PPP1R3F: variants seen among roughly 807,000 people sequenced by gnomAD.
PPP1R3F encodes the protein protein phosphatase 1, regulatory (inhibitor) subunit 3F.
A neutral mutation model predicts 24.2 loss-of-function variants in PPP1R3F; 29 were observed. That is an observed-to-expected ratio of 1.20 (90% CI 0.89 to 1.63). The LOEUF is 1.63. Ranked by LOEUF, PPP1R3F falls within the 40% of genes most tolerant of loss-of-function variation. PPP1R3F has a pLI of 0.00. For missense variants in PPP1R3F, 823 were observed against 729.3 expected, an observed-to-expected ratio of 1.13 and a Z score of -1.48; for synonymous variants, 363 against 340.1, an observed-to-expected ratio of 1.07 and a Z score of -0.74.
intron 3 of PPP1R3F, among the ~76,000 whole-genome samples, chrX:49,282,440 A>C (rs2066254610): frequency 1.5e-5 from 1 of 65,613 alleles, no homozygotes; most frequent in South Asian, 8.7e-4. Context: ...TGGGTGAGAG[A>C]CTCTGTGTGT....
At chrX:49,283,832 C>A (rs942750808) in intron 3 of PPP1R3F, among the ~76,000 whole-genome samples, 3 of 110,007 alleles carry the variant, frequency 2.7e-5, no homozygotes, top group Non-Finnish European at 5.7e-5. Context: ...TTGTATTAAA[C>A]GAATGTATTT....
chrX:49,275,087 C>A (rs1358301086), intron 1 of PPP1R3F: 1 of 111,076 alleles, frequency 9.0e-6, no homozygotes, highest in Admixed American at 9.7e-5. Flanking sequence ...TTCTCTCCCT[C>A]CTGCTTCTGG....
At chrX:49,295,345 T>C (rs2066320100) in intron 3 of PPP1R3F, among the ~76,000 whole-genome samples, 1 of 110,898 alleles carries the variant, frequency 9.0e-6, no homozygotes, top group Admixed American at 9.6e-5. Flanking sequence ...GGTTTCCCCA[T>C]GTTGGCCAGG....
At position 49,285,949 on chromosome X, in the gene PPP1R3F, C is replaced by T. The variant is rs782036454; in HGVS notation, c.1259C>T (p.Ser420Phe). 3 of 1,207,009 alleles carry T rather than the reference C, an allele frequency of 2.5e-6. No individual in the cohort carries two copies. Among genetic ancestry groups the T allele is most frequent in the South Asian group, 3.6e-5 (2 of 56,205 alleles). The change falls in exon 4 of 4, where the codon TCC becomes TTC. Residue 420 changes from serine to phenylalanine, a missense_variant. By Grantham distance (155) the Ser-to-Phe change is radical. Coordinates refer to ENST00000055335, the MANE Select transcript of PPP1R3F (RefSeq NM_033215.5). ...GCACCGGCCATCAGGATTCCCCCCT[C>T]CTCCCCTCTCTGTGGCCTGGGTGGC... is the stretch of plus-strand genomic sequence containing the variant. ...LQAPAIRIPP[S>F]SPLCGLGGSP...
At chrX:49,294,500 G>A (rs978522259) in intron 3 of PPP1R3F, among the ~76,000 whole-genome samples, 1 of 110,152 alleles carries the variant, frequency 9.1e-6, no homozygotes, top group Non-Finnish European at 1.9e-5. Flanking sequence ...GAGTACAGGC[G>A]TGAGCCACTG....
At chrX:49,273,925 C>T (rs782217728) in intron 1 of PPP1R3F, 89 of 112,255 alleles carry the variant, frequency 7.9e-4, no homozygotes, top group African/African-American at 2.6e-3. Flanking sequence ...GATGATTCAT[C>T]GACAAGCATT....
intron 3 of PPP1R3F, among the ~76,000 whole-genome samples, chrX:49,300,259 G>T (rs782487644): frequency 1.8e-5 from 2 of 110,208 alleles, no homozygotes; most frequent in Non-Finnish European, 3.8e-5. Flanking sequence ...CCTTGGCTAG[G>T]GGAAGGAGTT....
intron 1 of PPP1R3F, among the ~76,000 whole-genome samples, chrX:49,277,909 TG>T (rs1557120205): frequency 3.6e-5 from 4 of 112,007 alleles, no homozygotes; most frequent in Non-Finnish European, 7.5e-5. Flanking sequence ...GAGGGGCCCA[TG>T]GTGGAGGAGG....
At position 49,270,574 on chromosome X, in the gene PPP1R3F, C is replaced by T. The variant is rs781863266; in HGVS notation, c.705C>T (p.Asp235=). 2.2e-5 allele frequency: 27 copies of T among 1,200,638 alleles called. No individual in the cohort carries two copies. The highest frequency in any genetic ancestry group is 8.9e-5 in the South Asian group (5 of 56,344). ...GCCAGGCATCCGCCTCCTCGCCCGACGACGGCGGCCGCACCGACCGCTTTG... is the reference window on the plus strand; with the variant it reads ...GCCAGGCATCCGCCTCCTCGCCCGATGACGGCGGCCGCACCGACCGCTTTG... ...GPGQASASSP[D]DGGRTDRFAF... The change falls in exon 1 of 4, where the codon GAC becomes GAT. Residue 235 remains aspartate (D), a synonymous_variant. Coordinates refer to ENST00000055335, the MANE Select transcript of PPP1R3F (RefSeq NM_033215.5).
chrX:49,282,933 C>T lies in PPP1R3F; in HGVS notation c.1143+870C>T, dbSNP rs782500937. 6.5e-5 allele frequency among the ~76,000 whole-genome samples: 7 copies of T among 108,320 alleles called. No individual in the cohort carries two copies. In the South Asian group the frequency reaches 2.9e-3, roughly 45 times the overall value. 94.1% of individuals were successfully genotyped at this position (108,320 alleles called of 115,157 possible). ...AGAGTAAGGGTGGAAACAGGCGACT[C>T]GTGAAGGGGAGGCCACTGCAGTGGT... On this transcript the variant is annotated intron_variant, in intron 3 of 3. Transcript: ENST00000055335.
chrX:49,282,548 T>G (rs181194452), intron 3 of PPP1R3F, among the ~76,000 whole-genome samples: 32 of 103,158 alleles, frequency 3.1e-4, no homozygotes, highest in African/African-American at 1.1e-3. Context: ...AAGGCTTTAG[T>G]GATTAGTGAG....
At chrX:49,276,305 A>G (rs147365337) in intron 1 of PPP1R3F, among the ~76,000 whole-genome samples, 1,600 of 112,508 alleles carry the variant, frequency 0.014, 108 homozygotes, top group Admixed American at 0.13. Flanking sequence ...TACTTTTCAA[A>G]TATTTCTTTG....
At chrX:49,284,471 C>CCTCT (rs1386152506) in intron 3 of PPP1R3F, among the ~76,000 whole-genome samples, 5 of 91,641 alleles carry the variant, frequency 5.5e-5, no homozygotes, top group African/African-American at 2.0e-4. Context: ...TCCTTTCTTT[C>CCTCT]CTCTCTCTCT....
intron 3 of PPP1R3F, among the ~76,000 whole-genome samples, chrX:49,284,437 CTTTTCTTTT>C (rs1283026886): frequency 1.0e-5 from 1 of 96,584 alleles, no homozygotes; most frequent in East Asian, 3.2e-4. Context: ...CTCTTTCTTT[CTTTTCTTTT>C]ACTTTATTTT....
chrX:49,275,316 C>G (rs1391093135), intron 1 of PPP1R3F: 1 of 111,881 alleles, frequency 8.9e-6, no homozygotes, highest in Admixed American at 9.5e-5. Flanking sequence ...CCTCTTAACT[C>G]TCTGGCCCTT....
Position 49,270,085 on chromosome X carries a change from T to TGGCGGC in PPP1R3F, c.228_233dup (p.Gly77_Gly78dup), listed in dbSNP as rs781904515. On this transcript the variant is annotated inframe_insertion, in exon 1 of 4. Coordinates refer to ENST00000055335, the MANE Select transcript of PPP1R3F (RefSeq NM_033215.5). ...AGATGGCGGCGGCGGCCGGGCAAGA[T>TGGCGGC]GGCGGCGGCGGCGGCGGGGCCGACG... 11 of 1,000,343 alleles carry TGGCGGC rather than the reference T, an allele frequency of 1.1e-5. No homozygotes were observed. The highest frequency in any genetic ancestry group is 5.3e-5 in the Admixed American group (1 of 18,787). The allele number at this position is 1,000,343 out of a possible 1,213,427, so 82.4% of individuals were successfully genotyped here. A position where few individuals can be genotyped will look rare whatever the true frequency, so the allele number is the denominator to read the frequency against.
intron 1 of PPP1R3F, among the ~76,000 whole-genome samples, chrX:49,280,549 C>CTTTT (rs782591947): frequency 2.5e-5 from 2 of 79,633 alleles, no homozygotes; most frequent in Non-Finnish European, 5.1e-5. Flanking sequence ...GCGTCTGGCC[C>CTTTT]TTTTTTTTTT....
chrX:49,292,083 C>G (rs112562559), downstream of PPP1R3F, among the ~76,000 whole-genome samples: 5,090 of 111,698 alleles, frequency 0.046, 305 homozygotes, highest in African/African-American at 0.16. Context: ...CATCTTATCT[C>G]CAAGACAGGG....
Position 49,270,304 on chromosome X carries a change from C to T in PPP1R3F, c.435C>T (p.Pro145=), listed in dbSNP as rs2066165634. 2 of 1,106,778 alleles carry T rather than the reference C, an allele frequency of 1.8e-6. No individual in the cohort carries two copies. Among genetic ancestry groups the T allele is most frequent in the Non-Finnish European group, 2.3e-6 (2 of 851,645 alleles). The allele number at this position is 1,106,778 out of a possible 1,213,427, so 91.2% of individuals were successfully genotyped here. The change falls in exon 1 of 4, where the codon CCC becomes CCT. Residue 145 remains proline (P), a synonymous_variant. Transcript: ENST00000055335. ...MVELEALLPP[P]GAVPGGAGVW... Reference sequence around the variant, plus strand: ...AGCTGGAGGCGCTGCTGCCGCCTCCCGGAGCGGTCCCCGGGGGTGCCGGGG... The same window carrying T: ...AGCTGGAGGCGCTGCTGCCGCCTCCTGGAGCGGTCCCCGGGGGTGCCGGGG...
Sources: allele counts gnomAD v4.1 joint callset (sites outside exome capture counted in the v4.1 genomes callset), GRCh38; gene constraint gnomAD v4.1.1; transcripts MANE v1.5; gene names NCBI Gene and HGNC (gene_info 2026-07-23, HGNC 2026-07-21).